Variants in AGO3 observed in about 807,000 individuals in gnomAD.
AGO3 encodes argonaute RISC catalytic component 3.
In AGO3, 16 loss-of-function variants were observed where a neutral mutation model predicts 105.5. The observed-to-expected ratio is 0.15, with a 90% CI of 0.10 to 0.23. AGO3 has a LOEUF of 0.23. AGO3 is among the 10% of genes least tolerant of loss of function. AGO3 has a pLI of 1.00. For missense variants in AGO3, 534 were observed against 1,088.0 expected (o/e 0.49, Z 7.16); for synonymous variants, 340 against 367.3 (o/e 0.93, Z 0.85).
chr1:36,009,815 C>G (rs1327618584), intron 9 of AGO3, among the ~76,000 whole-genome samples: 1 of 151,868 alleles, frequency 6.6e-6, no homozygotes, highest in Non-Finnish European at 1.5e-5. Flanking sequence ...TTAAGTAGAT[C>G]CAGGGAACAG....
At chr1:35,955,573 G>A (rs964060692) in intron 2 of AGO3, among the ~76,000 whole-genome samples, 3 of 151,410 alleles carry the variant, frequency 2.0e-5, no homozygotes, top group African/African-American at 7.3e-5. Context: ...ATGAATGAAC[G>A]AGAGGTACAC....
intron 14 of AGO3, among the ~76,000 whole-genome samples, chr1:36,038,495 TTCGC>T (rs1437683144): frequency 6.6e-6 from 1 of 152,076 alleles, no homozygotes; most frequent in Non-Finnish European, 1.5e-5. Context: ...GACCTTGTGA[TTCGC>T]CCACCTCGGC....
chr1:36,041,164 T>G (rs1312947799), intron 16 of AGO3, among the ~76,000 whole-genome samples: 1 of 151,506 alleles, frequency 6.6e-6, no homozygotes, highest in Non-Finnish European at 1.5e-5. Flanking sequence ...TTATGCATTT[T>G]ATAATGTGAA....
intron 1 of AGO3, among the ~76,000 whole-genome samples, chr1:35,944,544 C>CTTTTTTTTTTTTTTTTT (rs761797350): frequency 9.5e-6 from 1 of 105,484 alleles, no homozygotes; most frequent in Non-Finnish European, 1.9e-5. Context: ...ATTTTATTTA[C>CTTTTTTTTTTTTTTTTT]TTTTTTTTTT....
At chr1:36,032,466 C>T (rs1641821399) in intron 12 of AGO3, among the ~76,000 whole-genome samples, 1 of 152,060 alleles carries the variant, frequency 6.6e-6, no homozygotes, top group African/African-American at 2.4e-5. Flanking sequence ...ACTGCAGCCT[C>T]CATCTCCTAG....
At chr1:35,952,110 GTCT>G (rs1346588200) in intron 2 of AGO3, among the ~76,000 whole-genome samples, 2 of 112,980 alleles carry the variant, frequency 1.8e-5, no homozygotes, top group African/African-American at 3.6e-5. Flanking sequence ...TTCTGGGTCG[GTCT>G]TTCTTTCTTT....
chr1:35,934,610 C>A (rs1156726953), intron 1 of AGO3, among the ~76,000 whole-genome samples: 1 of 152,096 alleles, frequency 6.6e-6, no homozygotes. Context: ...GTAATGCCAT[C>A]AGGGTCCCAA....
intron 11 of AGO3, among the ~76,000 whole-genome samples, chr1:36,026,034 C>G (rs1369262620): frequency 6.6e-6 from 1 of 151,034 alleles, no homozygotes; most frequent in Non-Finnish European, 1.5e-5. Flanking sequence ...GAGTGAGACT[C>G]CACCTCAAAA....
chr1:35,943,402 A>G (rs539930779), intron 1 of AGO3, among the ~76,000 whole-genome samples: 3 of 150,234 alleles, frequency 2.0e-5, no homozygotes, highest in South Asian at 4.2e-4. Flanking sequence ...CCCAGGTTCA[A>G]GCAGTTCTGT....
intron 2 of AGO3, among the ~76,000 whole-genome samples, chr1:35,965,489 C>CAAAAAA (rs1171759827): frequency 4.6e-5 from 4 of 87,396 alleles, no homozygotes; most frequent in African/African-American, 8.3e-5. Flanking sequence ...GACGCTGTCT[C>CAAAAAA]AAAAAAAAAA....
chr1:36,071,561 T>A lies in AGO3; in HGVS notation c.*15816T>A, dbSNP rs1408750114. ...ACCCAGTTTCAGCAAGGCAAAATGA[T>A]GGGACTCTCAAACCTCCCTCCTCAT... On this transcript the variant is annotated 3_prime_UTR_variant, in exon 19 of 19. Coordinates refer to ENST00000373191, the MANE Select transcript of AGO3 (RefSeq NM_024852.4). The A allele has an allele frequency of 6.6e-6, 1 of 152,192 alleles. No homozygotes were observed. Among genetic ancestry groups the A allele is most frequent in the Admixed American group, 6.6e-5 (1 of 15,252 alleles). 9.4% of individuals were successfully genotyped at this position (152,192 alleles called of 1,614,324 possible).
At chr1:35,939,791 A>G (rs1225010513) in intron 1 of AGO3, among the ~76,000 whole-genome samples, 4 of 152,140 alleles carry the variant, frequency 2.6e-5, no homozygotes, top group African/African-American at 9.7e-5. Context: ...ACATATAGGC[A>G]GAACTGTATA....
intron 13 of AGO3, 115 bp from the exon 14 acceptor site, chr1:36,036,062 A>G: frequency 3.3e-6 from 3 of 905,368 alleles, no homozygotes; most frequent in Non-Finnish European, 1.7e-6. Flanking sequence ...AATTTGGATT[A>G]CATAGGACTT....
In AGO3 at chr1:36,055,775, T is replaced by G. The variant is rs770347630; in HGVS notation, c.*30T>G. ...TCCAAGTATATTCTCTGAGAGGAAG[T>G]ACTGAAAGATGAATTGACATACAAC... On this transcript the variant is annotated 3_prime_UTR_variant, in exon 19 of 19. Transcript: ENST00000373191. The surrounding 1 kb of genome is among the most constrained non-coding windows in gnomAD (Gnocchi z 4.4). 1 of 1,603,188 alleles carries G rather than the reference T, an allele frequency of 6.2e-7. No individual in the cohort carries two copies. Among genetic ancestry groups the G allele is most frequent in the South Asian group, 1.1e-5 (1 of 90,742 alleles).
intron 4 of AGO3, among the ~76,000 whole-genome samples, chr1:35,972,538 T>C (rs777000401): frequency 6.6e-6 from 1 of 152,242 alleles, no homozygotes; most frequent in East Asian, 1.9e-4. Context: ...TATTTAGTTA[T>C]CTTGTTTTAA....
At chr1:35,961,631 T>C (rs544442742) in intron 2 of AGO3, among the ~76,000 whole-genome samples, 6 of 152,358 alleles carry the variant, frequency 3.9e-5, no homozygotes, top group Admixed American at 2.6e-4. Flanking sequence ...TTTACTCATA[T>C]TACATGATTT....
At chr1:35,957,398 A>G (rs1646588670) in intron 2 of AGO3, among the ~76,000 whole-genome samples, 1 of 151,778 alleles carries the variant, frequency 6.6e-6, no homozygotes, top group African/African-American at 2.4e-5. Context: ...AATAATTCAC[A>G]TATGAAATGA....
chr1:35,955,887 G>A (rs1440804179), intron 2 of AGO3, among the ~76,000 whole-genome samples: 2 of 152,058 alleles, frequency 1.3e-5, no homozygotes, highest in Non-Finnish European at 2.9e-5. Flanking sequence ...GAGCCACTGT[G>A]TCAGACCTTA....
intron 3 of AGO3, among the ~76,000 whole-genome samples, chr1:35,968,208 G>A (rs1646807794): frequency 6.6e-6 from 1 of 152,050 alleles, no homozygotes; most frequent in Non-Finnish European, 1.5e-5. Flanking sequence ...TTCTCCTATT[G>A]GGGTATTCTT....
Sources: allele counts gnomAD v4.1 joint callset (sites outside exome capture counted in the v4.1 genomes callset), GRCh38; gene constraint gnomAD v4.1.1; non-coding constraint Gnocchi (gnomAD v3.1); transcripts MANE v1.5; gene names NCBI Gene and HGNC (gene_info 2026-07-23, HGNC 2026-07-21).